ABTB3: variants seen among roughly 807,000 people sequenced by gnomAD.
The protein encoded by ABTB3 is ankyrin repeat and BTB domain containing 3.
the ABTB3 span, among the ~76,000 whole-genome samples, chr12:107,365,709 G>A: frequency 2.0e-5 from 3 of 152,202 alleles, no homozygotes; most frequent in Non-Finnish European, 2.9e-5. Context: ...AGGAGGAGAT[G>A]TGCTGTGATA....
the ABTB3 span, among the ~76,000 whole-genome samples, chr12:107,557,420 A>C: frequency 6.6e-6 from 1 of 152,246 alleles, no homozygotes; most frequent in Non-Finnish European, 1.5e-5. Context: ...TCTGTTACTG[A>C]CCAAAATGTC....
the ABTB3 span, among the ~76,000 whole-genome samples, chr12:107,620,955 T>C: frequency 6.6e-6 from 1 of 152,176 alleles, no homozygotes; most frequent in African/African-American, 2.4e-5. Context: ...TGGGGTCTAC[T>C]ACGGAGCCTG....
At chr12:107,483,610 G>A in the ABTB3 span, among the ~76,000 whole-genome samples, 5 of 152,212 alleles carry the variant, frequency 3.3e-5, no homozygotes, top group Non-Finnish European at 4.4e-5. Flanking sequence ...TAACTTGGTT[G>A]ATCTGATTCC....
At chr12:107,375,784 C>T in the ABTB3 span, among the ~76,000 whole-genome samples, 1 of 152,162 alleles carries the variant, frequency 6.6e-6, no homozygotes, top group African/African-American at 2.4e-5. Flanking sequence ...GACAATTGTT[C>T]TTTATGGACT....
At chr12:107,612,354 T>G in the ABTB3 span, among the ~76,000 whole-genome samples, 1 of 152,238 alleles carries the variant, frequency 6.6e-6, no homozygotes, top group Non-Finnish European at 1.5e-5. Context: ...GACCAGCAGC[T>G]TTTATAGAGC....
the ABTB3 span, among the ~76,000 whole-genome samples, chr12:107,504,616 G>A: frequency 2.6e-5 from 4 of 152,206 alleles, no homozygotes; most frequent in Non-Finnish European, 5.9e-5. Context: ...TTTCTTGGGT[G>A]ACTCAGGATC....
the ABTB3 span, chr12:107,610,501 T>G: frequency 6.0e-6 from 5 of 836,826 alleles, no homozygotes; most frequent in African/African-American, 8.6e-5. Context: ...CTTGCTTGTG[T>G]TTTTCTTCAG....
At chr12:107,502,048 GT>G in the ABTB3 span, among the ~76,000 whole-genome samples, 1 of 151,606 alleles carries the variant, frequency 6.6e-6, no homozygotes, top group Non-Finnish European at 1.5e-5. Flanking sequence ...TTGGTCTGGG[GT>G]GGGACTGGGC....
chr12:107,542,985 T>A, the ABTB3 span, among the ~76,000 whole-genome samples: 1 of 152,148 alleles, frequency 6.6e-6, no homozygotes, highest in South Asian at 2.1e-4. Flanking sequence ...TGGATCCAAG[T>A]AGTTCCAGCC....
chr12:107,459,502 A>G, the ABTB3 span, among the ~76,000 whole-genome samples: 2 of 152,332 alleles, frequency 1.3e-5, no homozygotes, highest in South Asian at 4.1e-4. Flanking sequence ...GAAAAAAATG[A>G]AGCAGGGAGT....
chr12:107,520,082 A>C, the ABTB3 span, among the ~76,000 whole-genome samples: 5 of 152,304 alleles, frequency 3.3e-5, no homozygotes, highest in East Asian at 9.7e-4. Context: ...AATTTTCGGC[A>C]GAGACTATTC....
chr12:107,555,288 C>A, the ABTB3 span, among the ~76,000 whole-genome samples: 20 of 152,306 alleles, frequency 1.3e-4, no homozygotes, highest in East Asian at 3.5e-3. Context: ...CACTTCAGGG[C>A]TGTTAAACAC....
At chr12:107,541,799 A>G in the ABTB3 span, among the ~76,000 whole-genome samples, 4 of 152,094 alleles carry the variant, frequency 2.6e-5, no homozygotes, top group Non-Finnish European at 5.9e-5. Context: ...CTGAAAAACT[A>G]CCTGTTGGGT....
the ABTB3 span, among the ~76,000 whole-genome samples, chr12:107,583,388 C>T: frequency 6.6e-5 from 10 of 152,134 alleles, no homozygotes; most frequent in African/African-American, 1.7e-4. Context: ...AGCAGTGCTG[C>T]CCCATTTTAC....
At chr12:107,470,761 G>T in the ABTB3 span, among the ~76,000 whole-genome samples, 5 of 152,236 alleles carry the variant, frequency 3.3e-5, no homozygotes, top group Admixed American at 2.0e-4. Flanking sequence ...CAGTGGGGAA[G>T]GTCTGCCCCT....
the ABTB3 span, among the ~76,000 whole-genome samples, chr12:107,540,872 G>C: frequency 6.6e-6 from 1 of 152,118 alleles, no homozygotes; most frequent in African/African-American, 2.4e-5. Flanking sequence ...ATGGTGGCTT[G>C]TGACTGTAGT....
At chr12:107,457,009 G>C in the ABTB3 span, among the ~76,000 whole-genome samples, 2 of 152,038 alleles carry the variant, frequency 1.3e-5, no homozygotes, top group African/African-American at 4.8e-5. Flanking sequence ...GCAGGCACCC[G>C]CCACCACGCC....
At chr12:107,468,819 T>A in the ABTB3 span, among the ~76,000 whole-genome samples, 2 of 152,168 alleles carry the variant, frequency 1.3e-5, no homozygotes, top group Admixed American at 6.5e-5. Flanking sequence ...GGGGCAGAAA[T>A]GCAACCCATT....
At chr12:107,571,634 G>A in the ABTB3 span, among the ~76,000 whole-genome samples, 10 of 152,316 alleles carry the variant, frequency 6.6e-5, no homozygotes, top group South Asian at 4.1e-4. Flanking sequence ...GGCGTGTTTC[G>A]CGGCAGCCTC....
Sources: allele counts gnomAD v4.1 joint callset (sites outside exome capture counted in the v4.1 genomes callset), GRCh38; gene constraint gnomAD v4.1.1; transcripts MANE v1.5; gene names NCBI Gene and HGNC (gene_info 2026-07-23, HGNC 2026-07-21).